PID1: variants seen among roughly 807,000 people sequenced by gnomAD.
The protein encoded by PID1 is phosphotyrosine interaction domain containing 1, also known as PTB-containing, cubilin and LRP1-interacting protein.
PID1 carries 10 observed loss-of-function variants against 19.1 expected under a neutral mutation model. The ratio of observed to expected loss-of-function variants is 0.52; its 90% CI spans 0.32 to 0.89. PID1 has a LOEUF of 0.89. Ranked by LOEUF, PID1 falls within the 40% of genes least tolerant of loss-of-function variation. The probability of loss-of-function intolerance (pLI) is 0.03; values close to 1 mark genes in which losing one functional copy is unlikely to be tolerated. For synonymous variants in PID1, 130 were observed against 116.0 expected (o/e 1.12, Z -0.78); for missense variants, 248 against 285.3 (o/e 0.87, Z 0.94).
intron 2 of PID1, among the ~76,000 whole-genome samples, chr2:229,072,766 T>C (rs1377233896): frequency 6.6e-6 from 1 of 152,222 alleles, no homozygotes; most frequent in Non-Finnish European, 1.5e-5. Flanking sequence ...TCAAATTTGA[T>C]GTAGGCTTTA....
intron 1 of PID1, among the ~76,000 whole-genome samples, chr2:229,194,193 T>A (rs571804219): frequency 6.6e-6 from 1 of 152,172 alleles, no homozygotes; most frequent in East Asian, 1.9e-4. Context: ...CTAGTTAATC[T>A]CAAAGTCAGA....
At chr2:229,234,161 A>G (rs922267974) in intron 1 of PID1, among the ~76,000 whole-genome samples, 1 of 152,202 alleles carries the variant, frequency 6.6e-6, no homozygotes, top group Non-Finnish European at 1.5e-5. Flanking sequence ...AGAGACATTG[A>G]GCCAAAACAG....
chr2:229,264,530 T>G (rs1376642331), intron 1 of PID1, among the ~76,000 whole-genome samples: 1 of 152,158 alleles, frequency 6.6e-6, no homozygotes, highest in Non-Finnish European at 1.5e-5. Context: ...CTATCATATA[T>G]GAACCTCCAT....
chr2:229,090,246 G>T (rs1442380889), intron 2 of PID1, among the ~76,000 whole-genome samples: 1 of 152,132 alleles, frequency 6.6e-6, no homozygotes, highest in African/African-American at 2.4e-5. Flanking sequence ...AGAAATTAAA[G>T]AACGTAATCT....
intron 1 of PID1, among the ~76,000 whole-genome samples, chr2:229,213,145 A>C (rs1691774507): frequency 6.6e-6 from 1 of 152,184 alleles, no homozygotes; most frequent in Non-Finnish European, 1.5e-5. Flanking sequence ...TTACTACCTT[A>C]AAGCTTCAGG....
At chr2:229,197,285 C>T (rs1691398099) in intron 1 of PID1, among the ~76,000 whole-genome samples, 1 of 151,724 alleles carries the variant, frequency 6.6e-6, no homozygotes, top group Non-Finnish European at 1.5e-5. Flanking sequence ...GTACATAAAA[C>T]CTTTGCAAGA....
Position 229,025,997 on chromosome 2 carries a change from A to G in PID1, c.289T>C (p.Phe97Leu), listed in dbSNP as rs1282797395. 6 of 1,614,124 alleles carry G rather than the reference A, an allele frequency of 3.7e-6. No homozygotes were observed. The highest frequency in any genetic ancestry group is 5.1e-6 in the Non-Finnish European group (6 of 1,180,038). The stretch of plus-strand genomic sequence containing the variant: ...ATTTCCAGGAGGGCATTGGCCGGAA[A>G]GACATCCTCTCGGGCTAGCGTGTGC... The part of the protein sequence containing the change: ...KKHTLAREDV[F>L]PANALLEIRP... Residue 97 changes from phenylalanine to leucine, a missense_variant, in exon 3 of 3, where the codon TTT becomes CTT. Transcript: ENST00000392055.
intron 2 of PID1, among the ~76,000 whole-genome samples, chr2:229,038,689 C>T (rs556080199): frequency 1.4e-4 from 21 of 152,176 alleles, no homozygotes; most frequent in Non-Finnish European, 5.9e-5. Flanking sequence ...ATTTCAATTG[C>T]TTATATATTT....
rs1255781343 is a variant in PID1, at chr2:229,184,494, GTA to G, written c.31-28532_31-28531del. Among the ~76,000 whole-genome samples, 149 of 10,908 alleles carry G rather than the reference GTA, an allele frequency of 0.014. 67 individuals carry two copies. In the East Asian group the frequency reaches 0.21, roughly 16 times the overall value. The allele number at this position is 10,908 out of a possible 152,430, so 7.2% of individuals were successfully genotyped here. On this transcript the variant is annotated intron_variant, in intron 1 of 2. Transcript: ENST00000392055. ...TATATATCCCGTATATATATATACC[GTA>G]TATATATATATCCCGTATATATATA...
intron 1 of PID1, among the ~76,000 whole-genome samples, chr2:229,187,467 G>A (rs988875553): frequency 1.2e-4 from 18 of 152,196 alleles, no homozygotes; most frequent in African/African-American, 3.1e-4. Context: ...CATGAACGGC[G>A]GCAGGCAAAG....
At chr2:229,116,057 A>T (rs548819222) in intron 2 of PID1, among the ~76,000 whole-genome samples, 16 of 152,142 alleles carry the variant, frequency 1.1e-4, no homozygotes, top group African/African-American at 3.9e-4. Flanking sequence ...CCCCGTCTCT[A>T]CTAAAAATAC....
chr2:229,176,249 A>C (rs1159176212), intron 1 of PID1, among the ~76,000 whole-genome samples: 1 of 152,230 alleles, frequency 6.6e-6, no homozygotes, highest in Admixed American at 6.5e-5. Context: ...CCACCCGTGA[A>C]TGGTCTCGGT....
intron 2 of PID1, among the ~76,000 whole-genome samples, chr2:229,144,657 T>C (rs1474823974): frequency 6.6e-6 from 1 of 152,066 alleles, no homozygotes; most frequent in Non-Finnish European, 1.5e-5. Flanking sequence ...AATCTACATC[T>C]ACCAAAACAG....
At chr2:229,038,437 G>A (rs983687133) in intron 2 of PID1, among the ~76,000 whole-genome samples, 1 of 152,030 alleles carries the variant, frequency 6.6e-6, no homozygotes, top group African/African-American at 2.4e-5. Flanking sequence ...TCCTCCAAAG[G>A]TTACATACTA....
chr2:229,098,657 C>T (rs1043202390), intron 2 of PID1, among the ~76,000 whole-genome samples: 2 of 152,152 alleles, frequency 1.3e-5, no homozygotes, highest in African/African-American at 4.8e-5. Context: ...GTTCCTTTCT[C>T]AACCCATTGT....
At chr2:229,060,004 A>G (rs904236955) in intron 2 of PID1, among the ~76,000 whole-genome samples, 1 of 152,042 alleles carries the variant, frequency 6.6e-6, no homozygotes, top group Non-Finnish European at 1.5e-5. Flanking sequence ...TTTATTTTTA[A>G]TTGACAAATA....
chr2:229,221,123 G>A (rs144359444), intron 1 of PID1, among the ~76,000 whole-genome samples: 167 of 152,250 alleles, frequency 1.1e-3, no homozygotes, highest in African/African-American at 3.8e-3. Flanking sequence ...AGATATGTTA[G>A]CTTACATACT....
intron 1 of PID1, among the ~76,000 whole-genome samples, chr2:229,200,568 G>T (rs532782858): frequency 6.6e-6 from 1 of 151,856 alleles, no homozygotes; most frequent in Non-Finnish European, 1.5e-5. Context: ...GCAGCTTGTC[G>T]GAGAAAAGGA....
chr2:229,080,011 G>T (rs1359119581), intron 2 of PID1, among the ~76,000 whole-genome samples: 1 of 152,068 alleles, frequency 6.6e-6, no homozygotes, highest in Non-Finnish European at 1.5e-5. Context: ...CAAGGCAGCT[G>T]CAGTCCAGCA....
Sources: gnomAD v4.1 joint callset for allele counts (sites outside exome capture counted in the v4.1 genomes callset) on GRCh38, gnomAD v4.1.1 for gene constraint, MANE v1.5 for transcripts, NCBI Gene and HGNC (gene_info 2026-07-23, HGNC 2026-07-21) for gene names.